Variants in PTPN3 observed in about 807,000 individuals in gnomAD.
PTPN3 encodes tyrosine-protein phosphatase non-receptor type 3.
PTPN3 carries 96 observed loss-of-function variants against 132.7 expected under a neutral mutation model. That is an observed-to-expected ratio of 0.72 (90% CI 0.61 to 0.86). PTPN3 has a LOEUF of 0.86. Among genes scored for constraint, PTPN3 ranks in the 40% least tolerant of loss-of-function variants. The pLI, the probability that PTPN3 is intolerant of heterozygous loss-of-function variation, is 0.00. For missense variants in PTPN3, 1,125 were observed against 1,159.6 expected (o/e 0.97, Z 0.43); for synonymous variants, 398 against 429.0 (o/e 0.93, Z 0.89).
In PTPN3 at chr9:109,379,616, C is replaced by T; in HGVS notation, c.2682G>A (p.Val894=). The change falls in exon 26 of 26, where the codon GTG becomes GTA. Residue 894 remains valine, a synonymous_variant. Coordinates refer to ENST00000374541, the MANE Select transcript of PTPN3 (RefSeq NM_002829.4). ...CATACACACGAAGAATCGCTTCACA[C>T]ACAAACTTGTACTGGCTCTGGAAAA... ...MVQTSSQYKF[V]CEAILRVYEE... The T allele has an allele frequency of 1.2e-6, 2 of 1,614,142 alleles. No homozygotes were observed. The highest frequency in any genetic ancestry group is 2.2e-5 in the South Asian group (2 of 91,074).
At chr9:109,513,749 T>C in the PTPN3 span, among the ~76,000 whole-genome samples, 1 of 152,210 alleles carries the variant, frequency 6.6e-6, no homozygotes, top group Non-Finnish European at 1.5e-5. Flanking sequence ...TTTTCTGCTT[T>C]CTGTGCAGAG....
chr9:109,503,746 T>A, the PTPN3 span, among the ~76,000 whole-genome samples: 1 of 152,028 alleles, frequency 6.6e-6, no homozygotes, highest in South Asian at 2.1e-4. Flanking sequence ...CTGCAAATTA[T>A]CACTGTAAAA....
At chr9:109,517,739 C>A in the PTPN3 span, among the ~76,000 whole-genome samples, 10 of 152,326 alleles carry the variant, frequency 6.6e-5, no homozygotes, top group Middle Eastern at 3.4e-3. Context: ...TTCTCCCTTG[C>A]CCATCCAGAT....
chr9:109,469,314 C>T (rs1459572286), intron 1 of PTPN3, among the ~76,000 whole-genome samples: 2 of 152,166 alleles, frequency 1.3e-5, no homozygotes, highest in African/African-American at 4.8e-5. Flanking sequence ...AACCCAACTC[C>T]ACTATTATAA....
Position 109,423,705 on chromosome 9 carries a change from C to T in PTPN3, c.1002-853G>A, listed in dbSNP as rs77389090. On this transcript the variant is annotated intron_variant, in intron 12 of 25. Coordinates refer to ENST00000374541, the MANE Select transcript of PTPN3 (RefSeq NM_002829.4). ...TTATTTATACCTAGAGAATTTAAAT[C>T]TTAGCTATCTAGACCCCTCAGAGAA... Among the ~76,000 whole-genome samples, 1,197 of 152,282 alleles carry T rather than the reference C, an allele frequency of 7.9e-3. 14 individuals carry two copies. The highest frequency in any genetic ancestry group is 0.027 in the African/African-American group (1,132 of 41,546).
At chr9:109,443,186 C>A (rs1317599326) in intron 7 of PTPN3, among the ~76,000 whole-genome samples, 1 of 151,470 alleles carries the variant, frequency 6.6e-6, no homozygotes, top group Non-Finnish European at 1.5e-5. Context: ...ACAGATACTA[C>A]CCCCTCAGTC....
chr9:109,487,139 A>G (rs1401721676), intron 1 of PTPN3, among the ~76,000 whole-genome samples: 1 of 152,196 alleles, frequency 6.6e-6, no homozygotes, highest in Non-Finnish European at 1.5e-5. Flanking sequence ...AGTTTACCTG[A>G]AAAGGCCTGC....
chr9:109,396,216 T>G (rs933954455), intron 19 of PTPN3, among the ~76,000 whole-genome samples: 1 of 152,106 alleles, frequency 6.6e-6, no homozygotes, highest in South Asian at 2.1e-4. Context: ...TGCTTGGCAG[T>G]CTGGTTATGA....
chr9:109,402,686 T>C (rs972794885), intron 19 of PTPN3, among the ~76,000 whole-genome samples: 3 of 152,254 alleles, frequency 2.0e-5, no homozygotes, highest in African/African-American at 4.8e-5. Flanking sequence ...ATTAGTTCTA[T>C]TCAAGTAATT....
chr9:109,508,095 C>T, the PTPN3 span, among the ~76,000 whole-genome samples: 11 of 152,066 alleles, frequency 7.2e-5, no homozygotes, highest in South Asian at 2.1e-4. Context: ...GCCTCTTCCC[C>T]GATTATCTCC....
At chr9:109,396,208 C>T (rs1332446869) in intron 19 of PTPN3, among the ~76,000 whole-genome samples, 1 of 152,114 alleles carries the variant, frequency 6.6e-6, no homozygotes, top group Non-Finnish European at 1.5e-5. Flanking sequence ...CTGTGGGCTG[C>T]TTGGCAGTCT....
chr9:109,497,296 G>A (rs571632560), intron 1 of PTPN3, among the ~76,000 whole-genome samples: 1 of 152,220 alleles, frequency 6.6e-6, no homozygotes, highest in South Asian at 2.1e-4. Flanking sequence ...CTAGCTTTGT[G>A]CCGGGCACGG....
chr9:109,389,495 A>G, intron 21 of PTPN3, 116 bp from the exon 22 acceptor site: 1 of 1,068,522 alleles, frequency 9.4e-7, no homozygotes, highest in East Asian at 2.6e-5. Context: ...TTATCTCTTT[A>G]TCAATTCACA....
chr9:109,451,795 T>G (rs1266661835), intron 5 of PTPN3, among the ~76,000 whole-genome samples: 1 of 152,158 alleles, frequency 6.6e-6, no homozygotes, highest in Non-Finnish European at 1.5e-5. Context: ...TCCCTCAAGT[T>G]TGGCCACTGG....
At chr9:109,515,460 A>C in the PTPN3 span, among the ~76,000 whole-genome samples, 72,384 of 152,092 alleles carry the variant, frequency 0.48, 17,908 homozygotes, top group South Asian at 0.59. Flanking sequence ...CTATCTTAAT[A>C]TAGCCATTTA....
chr9:109,466,833 A>C (rs1208152960), intron 1 of PTPN3, among the ~76,000 whole-genome samples: 1 of 152,190 alleles, frequency 6.6e-6, no homozygotes, highest in Non-Finnish European at 1.5e-5. Context: ...TGGAGGACTA[A>C]GAAACAAGCT....
chr9:109,488,831 G>C (rs756616772), intron 1 of PTPN3, among the ~76,000 whole-genome samples: 1 of 152,130 alleles, frequency 6.6e-6, no homozygotes, highest in Non-Finnish European at 1.5e-5. Context: ...CCTAGATGCT[G>C]GTTTCCTGCC....
At chr9:109,464,726 C>A (rs1365499402) in intron 1 of PTPN3, among the ~76,000 whole-genome samples, 1 of 152,116 alleles carries the variant, frequency 6.6e-6, no homozygotes, top group Non-Finnish European at 1.5e-5. Context: ...ACAGTCATAC[C>A]ATATACTACT....
At chr9:109,477,047 G>C (rs1846703057) in intron 1 of PTPN3, among the ~76,000 whole-genome samples, 1 of 152,142 alleles carries the variant, frequency 6.6e-6, no homozygotes, top group Admixed American at 6.5e-5. Flanking sequence ...ACCACGCACA[G>C]GTCACACAGG....
Sources: gnomAD v4.1 joint callset for allele counts (sites outside exome capture counted in the v4.1 genomes callset) on GRCh38, gnomAD v4.1.1 for gene constraint, MANE v1.5 for transcripts, NCBI Gene and HGNC (gene_info 2026-07-23, HGNC 2026-07-21) for gene names.